LAMA2: variants seen among roughly 807,000 people sequenced by gnomAD.
LAMA2 encodes the protein laminin subunit alpha-2.
Under a neutral mutation model 364.8 loss-of-function variants are expected in LAMA2, and 269 were observed. That is an observed-to-expected ratio of 0.74 (90% CI 0.67 to 0.82). LAMA2 has a LOEUF of 0.82. Among genes scored for constraint, LAMA2 ranks in the 40% least tolerant of loss-of-function variants. The pLI is 0.00. For missense variants in LAMA2, 3,807 were observed against 3,873.2 expected (o/e 0.98, Z 0.45); for synonymous variants, 1,379 against 1,370.6 (o/e 1.01, Z -0.14).
chr6:129,080,477 A>G (rs926724960), intron 3 of LAMA2, among the ~76,000 whole-genome samples: 2 of 152,194 alleles, frequency 1.3e-5, no homozygotes, highest in Non-Finnish European at 2.9e-5. Flanking sequence ...TCTCATATAC[A>G]TGTATGGATG....
intron 21 of LAMA2, among the ~76,000 whole-genome samples, chr6:129,299,314 T>G (rs1169318879): frequency 6.6e-6 from 1 of 152,130 alleles, no homozygotes; most frequent in Non-Finnish European, 1.5e-5. Flanking sequence ...ATTAAGATAA[T>G]AATAGTATCT....
At position 128,883,156 on chromosome 6, in the gene LAMA2, T is replaced by G; in HGVS notation, c.-90T>G. 1.6e-6 allele frequency: 2 copies of G among 1,289,320 alleles called. No individual in the cohort carries two copies. The highest frequency in any genetic ancestry group is 2.2e-6 in the Non-Finnish European group (2 of 922,200). The allele number at this position is 1,289,320 out of a possible 1,614,324, so 79.9% of individuals were successfully genotyped here. ...TCTCCTCCTCTTCCCCAGCAGCTGC[T>G]GCTCGCTCAGCTCACAAGCCAAGGC... On this transcript the variant is annotated 5_prime_UTR_variant, in exon 1 of 65. Transcript: ENST00000421865.
rs377520412 is a variant in LAMA2, at chr6:129,507,620, C to T, written c.8835C>T (p.Asp2945=). 83 of 1,614,130 alleles carry T rather than the reference C, an allele frequency of 5.1e-5. No homozygotes were observed. Among genetic ancestry groups the T allele is most frequent in the South Asian group, 4.9e-4 (45 of 91,082 alleles). Residue 2945 remains aspartate (D), a synonymous_variant, in exon 62 of 65, where the codon GAC becomes GAT. Transcript: ENST00000421865. Reference sequence around the variant, plus strand: ...ATGCTCAGAGGGGAACATATTTTGACGGAACCGGTTTTGCCAAAGCAGGTA... The same window carrying T: ...ATGCTCAGAGGGGAACATATTTTGATGGAACCGGTTTTGCCAAAGCAGGTA... ...FANAQRGTYF[D]GTGFAKAVGG...
At chr6:129,497,235 T>TATC (rs1324238197) in intron 58 of LAMA2, among the ~76,000 whole-genome samples, 4 of 152,162 alleles carry the variant, frequency 2.6e-5, no homozygotes, top group Admixed American at 1.3e-4. Flanking sequence ...TCCATTTTTG[T>TATC]ATCAGAATTT....
chr6:129,422,477 A>G (rs1393309718), intron 40 of LAMA2, among the ~76,000 whole-genome samples: 1 of 152,138 alleles, frequency 6.6e-6, no homozygotes, highest in Non-Finnish European at 1.5e-5. Context: ...TAATCAGAAA[A>G]AAATCAGAAA....
In LAMA2 at chr6:129,467,542, C is replaced by T. The variant is rs555380287; in HGVS notation, c.7300+2253C>T. On this transcript the variant is annotated intron_variant, in intron 51 of 64. Coordinates refer to ENST00000421865, the MANE Select transcript of LAMA2 (RefSeq NM_000426.4). Reference sequence around the variant, plus strand: ...TAATAAAAATAAAAATAAAGACATTCGGAACACTAAGCTGAATTGGCTAAT... The same window carrying T: ...TAATAAAAATAAAAATAAAGACATTTGGAACACTAAGCTGAATTGGCTAAT... Among the ~76,000 whole-genome samples the T allele has an allele frequency of 1.6e-4, 24 of 151,908 alleles. No homozygotes were observed. In the South Asian group the frequency reaches 4.2e-3, roughly 26 times the overall value.
intron 14 of LAMA2, 103 bp from the exon 15 acceptor site, chr6:129,260,608 C>A (rs1787049977): frequency 2.5e-6 from 2 of 785,536 alleles, no homozygotes; most frequent in East Asian, 2.5e-5. Context: ...TCTCAGCATG[C>A]ATAATTGGCT....
At chr6:129,214,748 T>C (rs1007133856) in intron 12 of LAMA2, among the ~76,000 whole-genome samples, 16 of 152,308 alleles carry the variant, frequency 1.1e-4, no homozygotes, top group Admixed American at 7.2e-4. Flanking sequence ...TATTTAATGA[T>C]GTGTTGGCTG....
At chr6:129,209,262 A>T (rs1782925142) in intron 12 of LAMA2, among the ~76,000 whole-genome samples, 1 of 152,222 alleles carries the variant, frequency 6.6e-6, no homozygotes. Context: ...TAAATATGTT[A>T]ATATCTAATC....
intron 17 of LAMA2, among the ~76,000 whole-genome samples, chr6:129,277,572 A>G (rs1289298151): frequency 1.3e-5 from 2 of 152,182 alleles, no homozygotes; most frequent in Non-Finnish European, 2.9e-5. Context: ...TCTTACCAGT[A>G]GGTTTCAATG....
At chr6:129,443,572 A>T (rs7748531) in intron 44 of LAMA2, among the ~76,000 whole-genome samples, 3,849 of 152,278 alleles carry the variant, frequency 0.025, 158 homozygotes, top group African/African-American at 0.088. Flanking sequence ...TAAAATAGAT[A>T]AGGTCTACAC....
intron 15 of LAMA2, among the ~76,000 whole-genome samples, chr6:129,264,927 G>A (rs1038384777): frequency 6.6e-5 from 10 of 152,146 alleles, no homozygotes; most frequent in Non-Finnish European, 1.3e-4. Flanking sequence ...GTTAAGAGTA[G>A]TGTTACTGAA....
intron 1 of LAMA2, 114 bp downstream of exon 1, chr6:128,883,471 AGAGT>A: frequency 1.3e-6 from 2 of 1,511,510 alleles, no homozygotes; most frequent in Non-Finnish European, 1.8e-6. Context: ...TCGCCTTCAG[AGAGT>A]GCGCTCTGGG....
At chr6:129,382,208 T>C (rs1271926121) in intron 34 of LAMA2, among the ~76,000 whole-genome samples, 3 of 152,184 alleles carry the variant, frequency 2.0e-5, no homozygotes, top group Non-Finnish European at 2.9e-5. Context: ...AGACTATCCA[T>C]ATCTTTTTAG....
At chr6:129,462,210 A>C (rs1170541444) in intron 49 of LAMA2, among the ~76,000 whole-genome samples, 2 of 152,042 alleles carry the variant, frequency 1.3e-5, no homozygotes, top group African/African-American at 4.8e-5. Flanking sequence ...GGTAAGATGC[A>C]GTGGCCACAT....
chr6:129,360,473 A>G (rs1777398636), intron 32 of LAMA2, among the ~76,000 whole-genome samples: 1 of 152,148 alleles, frequency 6.6e-6, no homozygotes, highest in African/African-American at 2.4e-5. Flanking sequence ...TAACTTCATG[A>G]GCTAGACTTG....
At chr6:129,288,836 C>A (rs188691390) in intron 19 of LAMA2, among the ~76,000 whole-genome samples, 1 of 152,168 alleles carries the variant, frequency 6.6e-6, no homozygotes, top group South Asian at 2.1e-4. Context: ...ATTTGGCCAT[C>A]ATCAGCTTCA....
intron 1 of LAMA2, among the ~76,000 whole-genome samples, chr6:128,913,881 A>G (rs1038313003): frequency 6.6e-6 from 1 of 152,164 alleles, no homozygotes; most frequent in Non-Finnish European, 1.5e-5. Flanking sequence ...TTTTTACATT[A>G]TAGCCAAAGT....
intron 1 of LAMA2, among the ~76,000 whole-genome samples, chr6:129,018,623 C>G (rs1199016929): frequency 1.3e-5 from 2 of 151,554 alleles, no homozygotes; most frequent in East Asian, 3.9e-4. Flanking sequence ...CACTTCTTGG[C>G]TATTTCACTG....
Sources: allele counts gnomAD v4.1 joint callset (sites outside exome capture counted in the v4.1 genomes callset), GRCh38; gene constraint gnomAD v4.1.1; transcripts MANE v1.5; gene names NCBI Gene and HGNC (gene_info 2026-07-23, HGNC 2026-07-21).